The following P2RX6 variants were observed in gnomAD, a reference collection of about 807,000 sequenced individuals.
The protein encoded by P2RX6 is purinergic receptor P2X 6, also known as P2X purinoceptor 6.
In P2RX6, 62 loss-of-function variants were observed where a neutral mutation model predicts 54.2. The ratio of observed to expected loss-of-function variants is 1.14; its 90% confidence interval spans 0.93 to 1.41. The LOEUF is 1.41. Among genes scored for constraint, P2RX6 ranks in the 40% most tolerant of loss-of-function variants. P2RX6 has a pLI of 0.00. For missense variants in P2RX6, 541 were observed against 566.3 expected (o/e 0.96, Z 0.45); for synonymous variants, 211 against 231.9 (o/e 0.91, Z 0.82).
In P2RX6 at chr22:21,015,340, T is replaced by G. The variant is rs2147998017; in HGVS notation, c.164+2T>G. ...TGGGATCGTGGTCTATGTGGTAGGGTAAGAGAGAAGAGCTTTTGGCCAGGC... is the reference window on the plus strand; with the variant it reads ...TGGGATCGTGGTCTATGTGGTAGGGGAAGAGAGAAGAGCTTTTGGCCAGGC... On this transcript the variant is annotated splice_donor_variant, in intron 1 of 11. Coordinates refer to ENST00000413302, the MANE Select transcript of P2RX6 (RefSeq NM_005446.5). LOFTEE classifies it high-confidence loss of function. 1.3e-6 allele frequency: 2 copies of G among 1,548,066 alleles called. No homozygotes were observed. Among genetic ancestry groups the G allele is most frequent in the Non-Finnish European group, 1.7e-6 (2 of 1,157,146 alleles).
chr22:21,018,808 A>T (rs1253759265), intron 3 of P2RX6: 9 of 147,120 alleles, frequency 6.1e-5, no homozygotes, highest in African/African-American at 2.3e-4. Flanking sequence ...TTTTTAGTGG[A>T]GACGGGGTTT....
chr22:21,026,680 G>A lies in P2RX6; in HGVS notation c.*63G>A, dbSNP rs1301402178. ...GCGGGGCCCTGCCTGGGGATCTCAA[G>A]GATGAGGCCCCAGCATGGAGGATTG... On this transcript the variant is annotated 3_prime_UTR_variant, in exon 12 of 12. Transcript: ENST00000413302. This position sits in a 1 kb window ranked among gnomAD's most constrained non-coding sequence, Gnocchi z 4.0. 2.0e-6 allele frequency: 3 copies of A among 1,520,632 alleles called. No homozygotes were observed. In the African/African-American group the frequency reaches 4.1e-5, roughly 21 times the overall value. The allele number at this position is 1,520,632 out of a possible 1,614,324, so 94.2% of individuals were successfully genotyped here. A position where few individuals can be genotyped will look rare whatever the true frequency, so the allele number is the denominator to read the frequency against.
chr22:21,018,278 A>T (rs1232231748), intron 3 of P2RX6: 1 of 546,998 alleles, frequency 1.8e-6, no homozygotes, highest in Non-Finnish European at 3.3e-6. Context: ...TCAGAGGAGA[A>T]GACTGAGGCT....
Position 21,027,163 on chromosome 22 carries a change from GGA to G in P2RX6, c.*550_*551del, listed in dbSNP as rs1160422383. On this transcript the variant is annotated 3_prime_UTR_variant, in exon 12 of 12. Coordinates refer to ENST00000413302, the MANE Select transcript of P2RX6 (RefSeq NM_005446.5). ...GCTTCTCTGGTGCTGTGATGCCCCAGGAGAGTCCTAATCTAGGGAATGGGGTG... is the reference window on the plus strand; with the variant it reads ...GCTTCTCTGGTGCTGTGATGCCCCAGGAGTCCTAATCTAGGGAATGGGGTG... The G allele has an allele frequency of 1.3e-5, 2 of 159,478 alleles. No individual in the cohort carries two copies. The highest frequency in any genetic ancestry group is 1.2e-4 in the Admixed American group (2 of 16,748). 9.9% of individuals were successfully genotyped at this position (159,478 alleles called of 1,614,324 possible).
intron 3 of P2RX6, among the ~76,000 whole-genome samples, chr22:21,020,096 T>G (rs1189878633): frequency 6.6e-5 from 10 of 152,196 alleles, no homozygotes; most frequent in Non-Finnish European, 1.5e-4. Flanking sequence ...AGGATGTGCT[T>G]ACTCTTGGTG....
Position 21,025,810 on chromosome 22 carries a change from C to G in P2RX6, c.896C>G (p.Ala299Gly). The part of the protein sequence containing the change: ...LQEKSYNFRT[A>G]THWWEQPGVE... ...GCCTTCTTTCCTGCCCACAGGACAGCCACTCACTGGTGGGAGCAACCGGGT... is the reference window on the plus strand; with the variant it reads ...GCCTTCTTTCCTGCCCACAGGACAGGCACTCACTGGTGGGAGCAACCGGGT... Residue 299 changes from alanine (A) to glycine (G), a missense_variant, in exon 9 of 12, where the codon GCC becomes GGC. Transcript: ENST00000413302. 6.4e-7 allele frequency: 1 copy of G among 1,557,108 alleles called. No individual in the cohort carries two copies. Among genetic ancestry groups the G allele is most frequent in the South Asian group, 1.2e-5 (1 of 84,328 alleles).
intron 3 of P2RX6, among the ~76,000 whole-genome samples, chr22:21,020,948 C>T (rs749843577): frequency 6.6e-6 from 1 of 151,738 alleles, no homozygotes; most frequent in African/African-American, 2.4e-5. Flanking sequence ...AGCAGGATGT[C>T]GACACAGAGG....
chr22:21,011,670 A>T, upstream of P2RX6: 1 of 625,604 alleles, frequency 1.6e-6, no homozygotes, highest in Non-Finnish European at 2.9e-6. Context: ...GCCATCCCCC[A>T]AACCTCCAGG....
Position 21,025,816 on chromosome 22 carries a change from A to C in P2RX6, c.902A>C (p.His301Pro). The C allele has an allele frequency of 6.4e-7, 1 of 1,559,634 alleles. No homozygotes were observed. The highest frequency in any genetic ancestry group is 8.7e-7 in the Non-Finnish European group (1 of 1,152,038). The change falls in exon 9 of 12, where the codon CAC becomes CCC. Residue 301 changes from histidine (H) to proline (P), a missense_variant. By Grantham distance (77) the His-to-Pro change is moderately conservative (BLOSUM62 -2). Transcript: ENST00000413302. ...EKSYNFRTAT[H>P]WWEQPGVEAR... is the part of the protein sequence containing the mutation. ...TTTCCTGCCCACAGGACAGCCACTC[A>C]CTGGTGGGAGCAACCGGGTGTGGAG...
upstream of P2RX6, chr22:21,013,048 C>T (rs1339401852): frequency 1.3e-5 from 2 of 157,764 alleles, no homozygotes; most frequent in Non-Finnish European, 1.4e-5. Flanking sequence ...GTACCTGGGG[C>T]CCCAGGCCAC....
In P2RX6 at chr22:21,022,536, T is replaced by C. The variant is rs558091536; in HGVS notation, c.388-140T>C. 1.4e-5 allele frequency: 8 copies of C among 583,184 alleles called. No homozygotes were observed. In the East Asian group the frequency reaches 1.8e-4, roughly 13 times the overall value. The allele number at this position is 583,184 out of a possible 1,614,324, so 36.1% of individuals were successfully genotyped here. On this transcript the variant is annotated intron_variant, in intron 3 of 11. Coordinates refer to ENST00000413302, the MANE Select transcript of P2RX6 (RefSeq NM_005446.5). ...CTGTGTGGCCCCACACTCAGGGTAC[T>C]CTGGCGGCGGGGTGGTGAGGTTGTT...
chr22:21,019,613 G>A (rs1927012590), intron 3 of P2RX6, among the ~76,000 whole-genome samples: 1 of 152,218 alleles, frequency 6.6e-6, no homozygotes, highest in Non-Finnish European at 1.5e-5. Flanking sequence ...CCGAGAGCTT[G>A]GTCGGGGAGA....
chr22:21,011,513 T>C, upstream of P2RX6: 3 of 713,842 alleles, frequency 4.2e-6, no homozygotes. Context: ...ATCTTCCGCA[T>C]GGCCTGGTTC....
intron 3 of P2RX6, 198 bp downstream of exon 3, chr22:21,018,258 G>C (rs1926776282): frequency 1.7e-6 from 1 of 579,486 alleles, no homozygotes; most frequent in Non-Finnish European, 3.1e-6. Flanking sequence ...GAAGTCCTGT[G>C]ATCCCCATTT....
rs771883043 is a variant in P2RX6 at position 21,023,154 on chromosome 22, G to A, written c.594G>A (p.Leu198=). 13 of 1,613,516 alleles carry A rather than the reference G, an allele frequency of 8.1e-6. No homozygotes were observed. The East Asian group carries it at 2.5e-4, about 30-fold the overall frequency. ...PLLAQAQNFT[L]FIKNTVTFSK... ...TGGCCCAGGCCCAGAACTTCACACT[G>A]TTCATCAAAAACACAGTCACCTTCA... The change falls in exon 6 of 12, where the codon CTG becomes CTA. Residue 198 remains leucine (L), a synonymous_variant. Coordinates refer to ENST00000413302, the MANE Select transcript of P2RX6 (RefSeq NM_005446.5).
chr22:21,009,967 G>C (rs969505045), intron 1 of P2RX6: 1 of 152,306 alleles, frequency 6.6e-6, no homozygotes, highest in Non-Finnish European at 1.5e-5. Context: ...GGGAGGCCCT[G>C]TTTTTGCTGA....
At chr22:21,012,745 A>C, upstream of P2RX6, 1 of 303,658 alleles carries the variant, frequency 3.3e-6, no homozygotes, top group Non-Finnish European at 6.3e-6. Flanking sequence ...CCTGGAAAGT[A>C]CCCCCCTTTC....
upstream of P2RX6, chr22:21,013,692 T>C (rs530930401): frequency 5.9e-5 from 9 of 152,366 alleles, no homozygotes; most frequent in South Asian, 4.1e-4. Flanking sequence ...TTTAACCTGA[T>C]TGCAGACCAC....
rs1283129763 is a variant in P2RX6, at chr22:21,023,513, G to A, written c.785G>A (p.Gly262Asp). Reference sequence around the variant, plus strand: ...AAAGCTATGTGCTATGTGCAGGGTGGCTCTGTAGGCATCAGAGTTCACTGG... The same window carrying A: ...AAAGCTATGTGCTATGTGCAGGGTGACTCTGTAGGCATCAGAGTTCACTGG... Reference protein sequence around the residue: ...GTFEDLALLGGSVGIRVHWDC... With the variant: ...GTFEDLALLGDSVGIRVHWDC... Residue 262 changes from glycine to aspartate, a missense_variant, in exon 8 of 12, where the codon GGC becomes GAC. Gly to Asp is a moderately conservative substitution (Grantham distance 94). Around this residue, in one of 2 missense-constraint regions of P2RX6, gnomAD observed 526 missense variants for 531.5 expected, o/e 0.99. Coordinates refer to ENST00000413302, the MANE Select transcript of P2RX6 (RefSeq NM_005446.5). The A allele has an allele frequency of 1.2e-6, 2 of 1,613,692 alleles. No homozygotes were observed. Among genetic ancestry groups the A allele is most frequent in the East Asian group, 2.2e-5 (1 of 44,872 alleles).
Sources: allele counts gnomAD v4.1 joint callset (sites outside exome capture counted in the v4.1 genomes callset), GRCh38; gene constraint gnomAD v4.1.1; regional missense constraint gnomAD v4.1.1; non-coding constraint Gnocchi (gnomAD v3.1); transcripts MANE v1.5; gene names NCBI Gene and HGNC (gene_info 2026-07-23, HGNC 2026-07-21).